WWOX: variants seen among roughly 807,000 people sequenced by gnomAD.
WWOX encodes WW domain-containing oxidoreductase.
Under a neutral mutation model 46.2 loss-of-function variants are expected in WWOX, and 69 were observed. That is an observed-to-expected ratio of 1.49 (90% CI 1.23 to 1.82). The LOEUF (loss-of-function observed/expected upper bound fraction) is 1.82. Ranked by LOEUF, WWOX falls within the 40% of genes most tolerant of loss-of-function variation. The pLI, the probability that WWOX is intolerant of heterozygous loss-of-function variation, is 0.00. For missense variants in WWOX, 919 were observed against 542.6 expected, an observed-to-expected ratio of 1.69 and a Z score of -6.89; for synonymous variants, 359 against 202.6, an observed-to-expected ratio of 1.77 and a Z score of -6.56.
rs146539878 is a variant in WWOX, at chr16:78,710,192, G to C, written c.1056+277440G>C. Among the ~76,000 whole-genome samples, 31 of 151,882 alleles carry C rather than the reference G, an allele frequency of 2.0e-4. No homozygotes were observed. In the East Asian group the frequency reaches 6.0e-3, roughly 30 times the overall value. Reference sequence around the variant, plus strand: ...AGAGGCCTAAGAACAGGCTTTCCCCGTTCAAATCACCCAGTGGCGTGCACA... The same window carrying C: ...AGAGGCCTAAGAACAGGCTTTCCCCCTTCAAATCACCCAGTGGCGTGCACA... On this transcript the variant is annotated intron_variant, in intron 8 of 8. Coordinates refer to ENST00000566780, the MANE Select transcript of WWOX (RefSeq NM_016373.4).
At chr16:78,576,360 C>A (rs760654220) in intron 8 of WWOX, among the ~76,000 whole-genome samples, 3 of 152,140 alleles carry the variant, frequency 2.0e-5, no homozygotes, top group Non-Finnish European at 4.4e-5. Context: ...AGTTCACCTC[C>A]CAAAAGACAT....
chr16:79,177,339 A>C (rs1208664883), intron 8 of WWOX, among the ~76,000 whole-genome samples: 2 of 151,540 alleles, frequency 1.3e-5, no homozygotes, highest in Non-Finnish European at 2.9e-5. Flanking sequence ...TTCCCTGTTA[A>C]AGTACTGTAC....
chr16:79,026,181 G>T (rs2047637513), intron 8 of WWOX, among the ~76,000 whole-genome samples: 1 of 151,618 alleles, frequency 6.6e-6, no homozygotes, highest in Non-Finnish European at 1.5e-5. Context: ...CCTTTTAGGT[G>T]AACAACCCAA....
intron 5 of WWOX, among the ~76,000 whole-genome samples, chr16:78,367,198 C>T (rs1247768989): frequency 6.6e-6 from 1 of 151,962 alleles, no homozygotes; most frequent in East Asian, 1.9e-4. Context: ...CCACTTTGGT[C>T]TCAATCTCCT....
At chr16:78,524,968 C>G (rs2043429073) in intron 8 of WWOX, among the ~76,000 whole-genome samples, 1 of 149,140 alleles carries the variant, frequency 6.7e-6, no homozygotes, top group Non-Finnish European at 1.5e-5. Context: ...TGGGCTCAAG[C>G]AATCTTCGTG....
chr16:78,800,612 A>G (rs1402098760), intron 8 of WWOX, among the ~76,000 whole-genome samples: 1 of 152,194 alleles, frequency 6.6e-6, no homozygotes, highest in Non-Finnish European at 1.5e-5. Flanking sequence ...TTCCTTTGCT[A>G]AATGGCTTGC....
intron 8 of WWOX, among the ~76,000 whole-genome samples, chr16:78,563,801 C>G (rs1210431121): frequency 6.6e-6 from 1 of 152,112 alleles, no homozygotes; most frequent in Non-Finnish European, 1.5e-5. Flanking sequence ...ACCAATTCTT[C>G]CCTGTCCCCT....
intron 8 of WWOX, chr16:79,101,493 T>A (rs1256486841): frequency 6.6e-6 from 1 of 152,170 alleles, no homozygotes; most frequent in Non-Finnish European, 1.5e-5. Context: ...AAATGCCTAC[T>A]CCCTATTCCC....
At chr16:78,664,418 C>G (rs1003133280) in intron 8 of WWOX, among the ~76,000 whole-genome samples, 8 of 152,152 alleles carry the variant, frequency 5.3e-5, no homozygotes. Flanking sequence ...AGTCACAGCT[C>G]CTGGCTGCTG....
intron 5 of WWOX, among the ~76,000 whole-genome samples, chr16:78,305,841 G>A (rs2080125048): frequency 6.6e-6 from 1 of 152,060 alleles, no homozygotes; most frequent in African/African-American, 2.4e-5. Flanking sequence ...GCCATAACCA[G>A]TAGCCAACTC....
chr16:78,961,717 CT>C (rs1406837520), intron 8 of WWOX, among the ~76,000 whole-genome samples: 28 of 152,138 alleles, frequency 1.8e-4, no homozygotes, highest in African/African-American at 6.8e-4. Context: ...GTATCACTTC[CT>C]GATTTTCTGG....
chr16:78,369,843 A>C (rs1013238048), intron 5 of WWOX, among the ~76,000 whole-genome samples: 43 of 151,974 alleles, frequency 2.8e-4, no homozygotes, highest in African/African-American at 1.0e-3. Flanking sequence ...CTGTAATGGA[A>C]ACCATAAGGG....
intron 8 of WWOX, among the ~76,000 whole-genome samples, chr16:78,844,703 T>C (rs909606230): frequency 2.6e-5 from 4 of 152,226 alleles, no homozygotes; most frequent in African/African-American, 9.7e-5. Context: ...TTGCAGACTT[T>C]TAAGCTGGGC....
chr16:78,261,758 A>C (rs1054111487), intron 5 of WWOX, among the ~76,000 whole-genome samples: 3 of 87,026 alleles, frequency 3.4e-5, no homozygotes, highest in Non-Finnish European at 6.2e-5. Context: ...GTGTCTGTCT[A>C]TCTATCTATC....
intron 5 of WWOX, among the ~76,000 whole-genome samples, chr16:78,353,946 C>T (rs115537039): frequency 6.6e-6 from 1 of 152,332 alleles, no homozygotes; most frequent in Non-Finnish European, 1.5e-5. Context: ...GAACATCTGT[C>T]TAATTGTTCA....
chr16:78,442,439 A>ACC (rs934277871), intron 8 of WWOX, among the ~76,000 whole-genome samples: 2 of 150,692 alleles, frequency 1.3e-5, no homozygotes, highest in Non-Finnish European at 3.0e-5. Flanking sequence ...CCCATTTATC[A>ACC]CCCCCTCCCA....
chr16:78,479,474 T>G (rs929286771), intron 8 of WWOX, among the ~76,000 whole-genome samples: 1 of 152,194 alleles, frequency 6.6e-6, no homozygotes, highest in Non-Finnish European at 1.5e-5. Flanking sequence ...CCAAGTAACT[T>G]TAGATGCAAA....
chr16:78,931,885 G>A (rs2045631261), intron 8 of WWOX, among the ~76,000 whole-genome samples: 1 of 152,164 alleles, frequency 6.6e-6, no homozygotes, highest in Non-Finnish European at 1.5e-5. Context: ...TGGATCATGG[G>A]GGTGGGTCTT....
At chr16:78,459,236 C>T (rs1172964663) in intron 8 of WWOX, among the ~76,000 whole-genome samples, 1 of 152,202 alleles carries the variant, frequency 6.6e-6, no homozygotes, top group Non-Finnish European at 1.5e-5. Context: ...GGTTGAAAGA[C>T]TGTCGTAAGT....
Sources: gnomAD v4.1 joint callset for allele counts (sites outside exome capture counted in the v4.1 genomes callset) on GRCh38, gnomAD v4.1.1 for gene constraint, MANE v1.5 for transcripts, NCBI Gene and HGNC (gene_info 2026-07-23, HGNC 2026-07-21) for gene names.